The following ITGAE variants were observed in gnomAD, a reference collection of about 807,000 sequenced individuals.
The protein encoded by ITGAE is integrin subunit alpha E.
Under a neutral mutation model 136.5 loss-of-function variants are expected in ITGAE, and 99 were observed. That is an observed-to-expected ratio of 0.73 (90% confidence interval 0.62 to 0.86). ITGAE has a LOEUF of 0.86. Ranked by LOEUF, ITGAE falls within the 40% of genes least tolerant of loss-of-function variation. The probability of loss-of-function intolerance (pLI) is 0.00; values close to 1 mark genes in which losing one functional copy is unlikely to be tolerated. For synonymous variants in ITGAE, 613 were observed against 591.8 expected, an observed-to-expected ratio of 1.04 and a Z score of -0.52; for missense variants, 1,447 against 1,515.3, an observed-to-expected ratio of 0.95 and a Z score of 0.75.
At chr17:3,751,267 G>A (rs551133667) in intron 15 of ITGAE, among the ~76,000 whole-genome samples, 1 of 151,898 alleles carries the variant, frequency 6.6e-6, no homozygotes, top group Non-Finnish European at 1.5e-5. Context: ...GGAGCCCTGG[G>A]GAATGAGAGA....
At chr17:3,771,490 C>T (rs567060044) in intron 2 of ITGAE, among the ~76,000 whole-genome samples, 25 of 150,522 alleles carry the variant, frequency 1.7e-4, no homozygotes, top group African/African-American at 4.6e-4. Flanking sequence ...CTTCACTCTG[C>T]GGATGTTCAC....
intron 20 of ITGAE, among the ~76,000 whole-genome samples, chr17:3,736,821 G>A (rs1367602988): frequency 6.6e-6 from 1 of 152,106 alleles, no homozygotes. Context: ...GATTACAGGC[G>A]TGAGCCACCA....
At chr17:3,719,663 T>C (rs975038284) in intron 29 of ITGAE, among the ~76,000 whole-genome samples, 1 of 152,230 alleles carries the variant, frequency 6.6e-6, no homozygotes, top group African/African-American at 2.4e-5. Context: ...TAAACACTGA[T>C]ACAGCACACT....
intron 19 of ITGAE, among the ~76,000 whole-genome samples, chr17:3,742,792 C>T (rs765770964): frequency 4.6e-5 from 7 of 152,188 alleles, no homozygotes; most frequent in African/African-American, 7.2e-5. Context: ...GCTGGGACTA[C>T]AGGCCCATGC....
intron 1 of ITGAE, among the ~76,000 whole-genome samples, chr17:3,778,434 GTT>G: frequency 6.6e-6 from 1 of 152,124 alleles, no homozygotes; most frequent in East Asian, 1.9e-4. Context: ...GCGGTGGCAC[GTT>G]CCTGTAATCC....
At chr17:3,720,587 T>TG in intron 28 of ITGAE, 185 bp from the exon 29 acceptor site, 1 of 304,514 alleles carries the variant, frequency 3.3e-6, no homozygotes, top group South Asian at 6.1e-5. Flanking sequence ...CAACTTCCTT[T>TG]TTTTTTTTTT....
chr17:3,788,295 T>C (rs958856034), intron 1 of ITGAE, among the ~76,000 whole-genome samples: 2 of 151,914 alleles, frequency 1.3e-5, no homozygotes, highest in African/African-American at 4.8e-5. Flanking sequence ...GTTTTCTTTC[T>C]TTTTTGCTTT....
chr17:3,794,709 G>A (rs981502523), intron 1 of ITGAE, among the ~76,000 whole-genome samples: 5 of 152,152 alleles, frequency 3.3e-5, no homozygotes, highest in Admixed American at 1.3e-4. Flanking sequence ...CGGGGCCCAC[G>A]TCACGTTGAG....
intron 1 of ITGAE, among the ~76,000 whole-genome samples, chr17:3,778,430 G>GCA: frequency 6.6e-6 from 1 of 152,116 alleles, no homozygotes; most frequent in East Asian, 1.9e-4. Context: ...GGGCGCGGTG[G>GCA]CACGTTCCTG....
intron 18 of ITGAE, among the ~76,000 whole-genome samples, chr17:3,744,280 G>A (rs552023398): frequency 7.2e-5 from 11 of 152,110 alleles, no homozygotes; most frequent in Non-Finnish European, 1.0e-4. Flanking sequence ...GAAGGGACAC[G>A]TCCTTCAAGC....
chr17:3,743,350 C>T (rs1344946520), intron 19 of ITGAE, 139 bp downstream of exon 19: 8 of 968,670 alleles, frequency 8.3e-6, no homozygotes, highest in Non-Finnish European at 1.2e-5. Flanking sequence ...CTCAGTTTCA[C>T]CATGAGTACG....
intron 1 of ITGAE, among the ~76,000 whole-genome samples, chr17:3,782,639 G>C (rs1309075199): frequency 6.6e-6 from 1 of 152,082 alleles, no homozygotes; most frequent in Non-Finnish European, 1.5e-5. Context: ...GATTACAGGT[G>C]TGAGCCACTG....
intron 13 of ITGAE, 119 bp downstream of exon 13, chr17:3,753,664 C>T (rs1035375792): frequency 7.5e-7 from 1 of 1,337,902 alleles, no homozygotes; most frequent in African/African-American, 1.5e-5. Flanking sequence ...ACTCAGGAGC[C>T]TGAGTTTCAC....
At position 3,739,825 on chromosome 17, in the gene ITGAE, CTG is replaced by C. The variant is rs764661287; in HGVS notation, c.2500_2501del (p.Gln834ValfsTer23). On this transcript the variant is annotated frameshift_variant, in exon 20 of 31. Coordinates refer to ENST00000263087, the MANE Select transcript of ITGAE (RefSeq NM_002208.5). LOFTEE classifies it high-confidence loss of function. ...CTCACTGAGAGACGGTGGTGGCCAACTGTAATTCTGCGACACAAAACAGCTTA... is the reference window on the plus strand; with the variant it reads ...CTCACTGAGAGACGGTGGTGGCCAACTAATTCTGCGACACAAAACAGCTTA... ...KNKLFCVAEL[Q>X]LATTVSQQEL... 1 of 1,614,180 alleles carries C rather than the reference CTG, an allele frequency of 6.2e-7. No individual in the cohort carries two copies. Among genetic ancestry groups the C allele is most frequent in the South Asian group, 1.1e-5 (1 of 91,082 alleles).
chr17:3,775,676 C>A (rs2052523341), intron 2 of ITGAE, among the ~76,000 whole-genome samples: 2 of 151,606 alleles, frequency 1.3e-5, no homozygotes, highest in African/African-American at 4.9e-5. Flanking sequence ...GCCAGGTTGG[C>A]CAGCCTAGGT....
At chr17:3,772,216 G>GC (rs747987634) in intron 2 of ITGAE, among the ~76,000 whole-genome samples, 38 of 151,786 alleles carry the variant, frequency 2.5e-4, no homozygotes, top group East Asian at 5.8e-4. Context: ...GCCTCGATGC[G>GC]CCCCCCCGTA....
In ITGAE at chr17:3,757,152, G is replaced by A. The variant is rs2143040742; in HGVS notation, c.1021-18C>T. On this transcript the variant is annotated intron_variant, in intron 9 of 30. Transcript: ENST00000263087. ...TCTCCCACCTGCACAGACAGCCTGG[G>A]TCAGCGAGTCAGCGCTGCGTGGATT... The A allele has an allele frequency of 6.2e-7, 1 of 1,611,720 alleles. No homozygotes were observed. Among genetic ancestry groups the A allele is most frequent in the East Asian group, 2.2e-5 (1 of 44,880 alleles).
chr17:3,752,198 C>G (rs1267494934), intron 14 of ITGAE, among the ~76,000 whole-genome samples: 1 of 152,218 alleles, frequency 6.6e-6, no homozygotes, highest in Non-Finnish European at 1.5e-5. Context: ...CTGGGGTCCT[C>G]CTACCTGGAA....
chr17:3,781,217 A>C (rs1040232941), intron 1 of ITGAE, among the ~76,000 whole-genome samples: 1 of 151,940 alleles, frequency 6.6e-6, no homozygotes, highest in Admixed American at 6.6e-5. Flanking sequence ...CCCCACAACT[A>C]CGTTTTTTGA....
Sources: gnomAD v4.1 joint callset for allele counts (sites outside exome capture counted in the v4.1 genomes callset) on GRCh38, gnomAD v4.1.1 for gene constraint, MANE v1.5 for transcripts, NCBI Gene and HGNC (gene_info 2026-07-23, HGNC 2026-07-21) for gene names.